HLA-DQB2: variants seen among roughly 807,000 people sequenced by gnomAD.
The protein encoded by HLA-DQB2 is major histocompatibility complex, class II, DQ beta 2, also known as HLA class II histocompatibility antigen, DQ beta 2 chain.
Under a neutral mutation model 29.2 loss-of-function variants are expected in HLA-DQB2, and 24 were observed. That is an observed-to-expected ratio of 0.82 (90% confidence interval 0.60 to 1.16). The LOEUF (loss-of-function observed/expected upper bound fraction) is 1.16, where lower values mean the gene tolerates loss of function less well. HLA-DQB2 is among the 50% of genes most tolerant of loss of function. HLA-DQB2 has a pLI of 0.00. For synonymous variants in HLA-DQB2, 104 were observed against 133.1 expected, an observed-to-expected ratio of 0.78 and a Z score of 1.51; for missense variants, 273 against 343.6, an observed-to-expected ratio of 0.79 and a Z score of 1.62.
intron 4 of HLA-DQB2, among the ~76,000 whole-genome samples, chr6:32,757,506 C>T (rs138277034): frequency 3.6e-4 from 55 of 152,298 alleles, no homozygotes; most frequent in African/African-American, 1.3e-3. Context: ...GGCTCTGACC[C>T]TCATAATGGA....
At chr6:32,758,710 G>C (rs965426373) in intron 3 of HLA-DQB2, 140 bp downstream of exon 3, 2 of 941,192 alleles carry the variant, frequency 2.1e-6, no homozygotes, top group Non-Finnish European at 3.1e-6. Context: ...GCTTGCCATG[G>C]GGCAACAGGT....
At chr6:32,756,959 C>T (rs1764311238) in intron 5 of HLA-DQB2, 2 of 1,236,984 alleles carry the variant, frequency 1.6e-6, no homozygotes, top group Non-Finnish European at 2.0e-6. Context: ...AAGTCTTAAC[C>T]CTCATAGCAG....
intron 5 of HLA-DQB2, chr6:32,756,763 T>A (rs758385493): frequency 1.3e-5 from 17 of 1,273,080 alleles, no homozygotes; most frequent in Non-Finnish European, 1.7e-5. Context: ...GCAGCCTCTT[T>A]TAGTCACTGA....
At chr6:32,757,173 C>A (rs1400241595) in intron 5 of HLA-DQB2, 108 bp downstream of exon 5, 1 of 1,515,670 alleles carries the variant, frequency 6.6e-7, no homozygotes, top group Non-Finnish European at 8.9e-7. Flanking sequence ...ATGCACACCA[C>A]CACGTCCAGC....
intron 5 of HLA-DQB2, chr6:32,756,932 T>C (rs1562214464): frequency 8.2e-7 from 1 of 1,216,106 alleles, no homozygotes; most frequent in Non-Finnish European, 1.0e-6. Context: ...TCGTAGAAAC[T>C]GGCAAACTTT....
chr6:32,757,841 ATG>A lies in HLA-DQB2; in HGVS notation c.687_688del (p.Ile230TrpfsTer50), dbSNP rs1208193354. 6.8e-6 allele frequency: 11 copies of A among 1,613,886 alleles called. No homozygotes were observed. The highest frequency in any genetic ancestry group is 2.7e-5 in the African/African-American group (2 of 74,910). On this transcript the variant is annotated frameshift_variant, in exon 4 of 6. Transcript: ENST00000437316. LOFTEE classifies it high-confidence loss of function. ...GATCAGCCCCAGCACGAAGCCTCCA[ATG>A]CCACTCAGCATCTTGCTCTGGGCAG...
At chr6:32,756,919 G>T in intron 5 of HLA-DQB2, 1 of 1,204,360 alleles carries the variant, frequency 8.3e-7, no homozygotes, top group Non-Finnish European at 1.0e-6. Context: ...AATCTCTGGA[G>T]ATTCGTAGAA....
At chr6:32,759,227 A>G (rs9276579) in intron 2 of HLA-DQB2, 96 bp from the exon 3 acceptor site, 890,764 of 1,386,628 alleles carry the variant, frequency 0.64, 244,759 homozygotes, top group East Asian at 0.77. Context: ...GAACCAGAAT[A>G]GAAAGATACC....
intron 5 of HLA-DQB2, chr6:32,756,871 A>C: frequency 8.5e-7 from 1 of 1,175,340 alleles, no homozygotes; most frequent in Non-Finnish European, 1.1e-6. Flanking sequence ...CATTTCACAA[A>C]AAGATGCCAC....
At position 32,761,800 on chromosome 6, in the gene HLA-DQB2, A is replaced by C. The variant is rs771906953; in HGVS notation, c.224T>G (p.Phe75Cys). Reference protein sequence around the residue: ...YGRFDSDVGEFQAVTELGRSI... With the variant: ...YGRFDSDVGECQAVTELGRSI... ...CCGCCCCAGCTCGGTCACCGCCTGG[A>C]ACTCCCCAACGTCGCTGTCGAAGCG... is the stretch of plus-strand genomic sequence containing the variant. Residue 75 changes from phenylalanine (F) to cysteine (C), a missense_variant, in exon 2 of 6, where the codon TTC (phenylalanine) becomes TGC (cysteine). Phe to Cys is a radical substitution (Grantham distance 205, BLOSUM62 -2). Coordinates refer to ENST00000437316, the MANE Select transcript of HLA-DQB2 (RefSeq NM_001300790.2). The C allele has an allele frequency of 6.3e-7, 1 of 1,596,728 alleles. No homozygotes were observed. The highest frequency in any genetic ancestry group is 1.3e-5 in the African/African-American group (1 of 74,278).
In HLA-DQB2 at chr6:32,761,825, G is replaced by T; in HGVS notation, c.199C>A (p.Arg67Ser). 1 of 1,605,082 alleles carries T rather than the reference G, an allele frequency of 6.2e-7. No individual in the cohort carries two copies. The highest frequency in any genetic ancestry group is 1.1e-5 in the South Asian group (1 of 89,494). The change falls in exon 2 of 6, where the codon CGC (arginine) becomes AGC (serine). Residue 67 changes from arginine (R) to serine (S), a missense_variant. By Grantham distance (110) the Arg-to-Ser change is moderately radical (BLOSUM62 -1). Transcript: ENST00000437316. ...AACTCCCCAACGTCGCTGTCGAAGCGCCCGTACTCCTCGCGGTTATAGATG... is the reference window on the plus strand; with the variant it reads ...AACTCCCCAACGTCGCTGTCGAAGCTCCCGTACTCCTCGCGGTTATAGATG... ...RYIYNREEYG[R>S]FDSDVGEFQA...
Position 32,761,902 on chromosome 6 carries a change from C to T in HLA-DQB2, c.122G>A (p.Gly41Asp). 1 of 1,612,114 alleles carries T rather than the reference C, an allele frequency of 6.2e-7. No individual in the cohort carries two copies. Among genetic ancestry groups the T allele is most frequent in the Non-Finnish European group, 8.5e-7 (1 of 1,179,304 alleles). The change falls in exon 2 of 6, where the codon GGC (glycine) becomes GAC (aspartate). Residue 41 changes from glycine to aspartate, a missense_variant. Physicochemically the swap from Gly to Asp is moderately conservative, Grantham distance 94. Coordinates refer to ENST00000437316, the MANE Select transcript of HLA-DQB2 (RefSeq NM_001300790.2). ...FPKDFLVQFK[G>D]MCYFTNGTER... is the part of the protein sequence containing the mutation. ...TGTCCCGTTGGTGAAGTAGCACATG[C>T]CCTTAAACTGGACCAAGAAATCCTC...
At chr6:32,762,014 G>A in intron 1 of HLA-DQB2, 88 bp from the exon 2 acceptor site, 1 of 1,508,850 alleles carries the variant, frequency 6.6e-7, no homozygotes, top group Non-Finnish European at 8.9e-7. Flanking sequence ...CCGCTGCCCT[G>A]ACCCGGCCAG....
chr6:32,758,707 A>G (rs1764490371), intron 3 of HLA-DQB2, 143 bp downstream of exon 3: 2 of 919,122 alleles, frequency 2.2e-6, no homozygotes, highest in East Asian at 2.6e-5. Context: ...TGTGCTTGCC[A>G]TGGGGCAACA....
rs1250257341 is a variant in HLA-DQB2, at chr6:32,763,490, A to G, written c.-20T>C. ...AGCCATCTTCCAAGACGTAAGTGAG[A>G]CCAAGGAAAAAGCAGTGGTAGTCAA... On this transcript the variant is annotated 5_prime_UTR_variant, in exon 1 of 6. Coordinates refer to ENST00000437316, the MANE Select transcript of HLA-DQB2 (RefSeq NM_001300790.2). The G allele has an allele frequency of 6.6e-7, 1 of 1,513,296 alleles. No homozygotes were observed. The highest frequency in any genetic ancestry group is 2.0e-5 in the Admixed American group (1 of 51,018). 93.7% of individuals were successfully genotyped at this position (1,513,296 alleles called of 1,614,324 possible). A position where few individuals can be genotyped will look rare whatever the true frequency, so the allele number is the denominator to read the frequency against.
At chr6:32,757,384 A>C in intron 4 of HLA-DQB2, 80 bp from the exon 5 acceptor site, 1 of 1,024,408 alleles carries the variant, frequency 9.8e-7, no homozygotes, top group Non-Finnish European at 1.5e-6. Flanking sequence ...TGACACATGT[A>C]GTTTAATTGG....
intron 2 of HLA-DQB2, among the ~76,000 whole-genome samples, chr6:32,759,937 C>T (rs1171269263): frequency 6.6e-6 from 1 of 152,158 alleles, no homozygotes; most frequent in Non-Finnish European, 1.5e-5. Context: ...TTGGTTTCTG[C>T]TTGGACTTGA....
Position 32,757,866 on chromosome 6 carries a change from C to A in HLA-DQB2, c.664G>T (p.Ala222Ser), listed in dbSNP as rs1177624519. The change falls in exon 4 of 6, where the codon GCC becomes TCC. Residue 222 changes from alanine (A) to serine (S), a missense_variant. Physicochemically the swap from Ala to Ser is moderately conservative, Grantham distance 99. Coordinates refer to ENST00000437316, the MANE Select transcript of HLA-DQB2 (RefSeq NM_001300790.2). ...ATGCCACTCAGCATCTTGCTCTGGG[C>A]AGATTCAGACTGAGCCCCTAAGGAG... ...TVEWRAQSES[A>S]QSKMLSGIGG... The A allele has an allele frequency of 1.9e-6, 3 of 1,612,214 alleles. No homozygotes were observed. The highest frequency in any genetic ancestry group is 2.7e-5 in the African/African-American group (2 of 74,432).
chr6:32,761,830 T>TA lies in HLA-DQB2; in HGVS notation c.193dup (p.Tyr65LeufsTer28). On this transcript the variant is annotated frameshift_variant, in exon 2 of 6. Coordinates refer to ENST00000437316, the MANE Select transcript of HLA-DQB2 (RefSeq NM_001300790.2). LOFTEE classifies it high-confidence loss of function. ...CCCAACGTCGCTGTCGAAGCGCCCG[T>TA]ACTCCTCGCGGTTATAGATGTATCT... is the stretch of plus-strand genomic sequence containing the variant. 2 of 1,584,976 alleles carry TA rather than the reference T, an allele frequency of 1.3e-6. No homozygotes were observed. The highest frequency in any genetic ancestry group is 2.3e-5 in the East Asian group (1 of 44,102).
Sources: gnomAD v4.1 joint callset for allele counts (sites outside exome capture counted in the v4.1 genomes callset) on GRCh38, gnomAD v4.1.1 for gene constraint, MANE v1.5 for transcripts, NCBI Gene and HGNC (gene_info 2026-07-23, HGNC 2026-07-21) for gene names.